The following FRS2 variants were observed in gnomAD, a reference collection of about 807,000 sequenced individuals.
FRS2 encodes the protein fibroblast growth factor receptor substrate 2, also known as FGFR signalling adaptor.
In FRS2, 8 loss-of-function variants were observed where a neutral mutation model predicts 43.9. That is an observed-to-expected ratio of 0.18 (90% CI 0.11 to 0.33). The LOEUF (loss-of-function observed/expected upper bound fraction) is 0.33, where lower values mean the gene tolerates loss of function less well. FRS2 is among the 10% of genes least tolerant of loss of function. The pLI is 1.00. For missense variants in FRS2, 534 were observed against 627.6 expected (o/e 0.85, Z 1.59); for synonymous variants, 219 against 220.3 (o/e 0.99, Z 0.05).
At chr12:69,511,654 T>A (rs1189683274) in intron 1 of FRS2, among the ~76,000 whole-genome samples, 4 of 152,178 alleles carry the variant, frequency 2.6e-5, no homozygotes, top group Non-Finnish European at 4.4e-5. Context: ...AGTTCTATGA[T>A]CCATTACAAA....
Position 69,543,085 on chromosome 12 carries a change from A to G in FRS2, c.-122+11029A>G, listed in dbSNP as rs144899644. 3.6e-3 allele frequency among the ~76,000 whole-genome samples: 554 copies of G among 152,326 alleles called. 1 individual carries two copies. The highest frequency in any genetic ancestry group is 0.013 in the African/African-American group (529 of 41,552). On this transcript the variant is annotated intron_variant, in intron 3 of 8. Transcript: ENST00000549921. Reference sequence around the variant, plus strand: ...ATGAGTATACTTGCTCACATTGATAACAACATGGTAGCATTGCTTCTAAAA... The same window carrying G: ...ATGAGTATACTTGCTCACATTGATAGCAACATGGTAGCATTGCTTCTAAAA...
At chr12:69,542,001 A>G (rs1411847463) in intron 3 of FRS2, among the ~76,000 whole-genome samples, 1 of 152,158 alleles carries the variant, frequency 6.6e-6, no homozygotes, top group Non-Finnish European at 1.5e-5. Context: ...CTCCATTTTC[A>G]GAATAATTTT....
At chr12:69,520,110 C>T (rs757653575) in intron 1 of FRS2, among the ~76,000 whole-genome samples, 2 of 152,064 alleles carry the variant, frequency 1.3e-5, no homozygotes, top group East Asian at 1.9e-4. Context: ...CTGACTGGTG[C>T]GAGATGGTAT....
At chr12:69,478,728 G>C (rs1420433648) in intron 1 of FRS2, among the ~76,000 whole-genome samples, 2 of 15,654 alleles carry the variant, frequency 1.3e-4, no homozygotes, top group Admixed American at 9.4e-4. Context: ...ATCATTATGT[G>C]TGTGTGTGTG....
intron 1 of FRS2, among the ~76,000 whole-genome samples, chr12:69,484,381 G>A (rs1174300255): frequency 1.3e-5 from 2 of 152,144 alleles, no homozygotes; most frequent in Admixed American, 6.5e-5. Context: ...ACTGCACCCG[G>A]CCTGGAAAAG....
At chr12:69,514,834 A>G (rs1874828000) in intron 1 of FRS2, among the ~76,000 whole-genome samples, 1 of 150,030 alleles carries the variant, frequency 6.7e-6, no homozygotes, top group African/African-American at 2.4e-5. Flanking sequence ...TGTGTCTCAA[A>G]AAAAAAAAAA....
intron 8 of FRS2, 149 bp downstream of exon 8, chr12:69,572,430 A>G (rs1880845948): frequency 1.6e-6 from 1 of 640,966 alleles, no homozygotes; most frequent in South Asian, 2.0e-5. Context: ...GAGATAGCAT[A>G]TATTTGCTGG....
chr12:69,484,862 G>A (rs1056653731), intron 1 of FRS2, among the ~76,000 whole-genome samples: 3 of 152,068 alleles, frequency 2.0e-5, no homozygotes, highest in Admixed American at 6.6e-5. Flanking sequence ...AAAACAACAA[G>A]AAAATTGTGC....
intron 3 of FRS2, among the ~76,000 whole-genome samples, chr12:69,551,036 T>A (rs545319693): frequency 6.6e-6 from 1 of 152,218 alleles, no homozygotes; most frequent in South Asian, 2.1e-4. Context: ...TCTCTTCACA[T>A]GTGTCTTTAA....
intron 3 of FRS2, among the ~76,000 whole-genome samples, chr12:69,535,910 CA>C (rs543034893): frequency 7.3e-5 from 11 of 151,492 alleles, no homozygotes; most frequent in Non-Finnish European, 1.3e-4. Flanking sequence ...AATAATAAGC[CA>C]AAATAATTAA....
At chr12:69,532,523 G>A (rs1876905496) in intron 3 of FRS2, among the ~76,000 whole-genome samples, 1 of 152,130 alleles carries the variant, frequency 6.6e-6, no homozygotes, top group African/African-American at 2.4e-5. Context: ...AGAAGGTGGA[G>A]GGCAAGCAAA....
intron 1 of FRS2, among the ~76,000 whole-genome samples, chr12:69,514,831 CA>C (rs5798938): frequency 0.78 from 113,891 of 146,052 alleles, 44,651 homozygotes; most frequent in East Asian, 0.91. Context: ...GACTGTGTCT[CA>C]AAAAAAAAAA....
chr12:69,507,908 C>T (rs1257138877), intron 1 of FRS2, among the ~76,000 whole-genome samples: 2 of 151,620 alleles, frequency 1.3e-5, no homozygotes, highest in Admixed American at 1.3e-4. Flanking sequence ...CCTGTAATCC[C>T]AGCTACTCAG....
intron 4 of FRS2, among the ~76,000 whole-genome samples, chr12:69,562,726 G>T (rs1275009607): frequency 6.6e-6 from 1 of 151,748 alleles, no homozygotes; most frequent in East Asian, 1.9e-4. Context: ...GCCTTGCTTT[G>T]TCGTCCAGGC....
rs191313334 is a variant in FRS2, at chr12:69,548,577, A to G, written c.-121-13603A>G. On this transcript the variant is annotated intron_variant, in intron 3 of 8. Transcript: ENST00000549921. ...TCATAAGGTATCTTTTCCACTGATT[A>G]TAGTGTAATATATAATTACTGTATT... Among the ~76,000 whole-genome samples, 53 of 152,346 alleles carry G rather than the reference A, an allele frequency of 3.5e-4. No individual in the cohort carries two copies. In the East Asian group the frequency reaches 9.6e-3, roughly 28 times the overall value.
chr12:69,498,467 T>C (rs1316844924), intron 1 of FRS2, among the ~76,000 whole-genome samples: 1 of 150,778 alleles, frequency 6.6e-6, no homozygotes, highest in African/African-American at 2.5e-5. Context: ...CAGGATGGCT[T>C]TGAATACAGC....
intron 3 of FRS2, among the ~76,000 whole-genome samples, chr12:69,556,017 G>GC (rs1451505948): frequency 1.3e-5 from 2 of 149,878 alleles, no homozygotes; most frequent in Non-Finnish European, 3.0e-5. Context: ...GCGGGGGGGG[G>GC]GGCGGTGTAC....
At chr12:69,545,755 C>CAAAAAAAAAAAA (rs60460901) in intron 3 of FRS2, among the ~76,000 whole-genome samples, 234 of 80,116 alleles carry the variant, frequency 2.9e-3, no homozygotes, top group Non-Finnish European at 4.2e-3. Flanking sequence ...GACCCTGTCT[C>CAAAAAAAAAAAA]AAAAAAAAAA....
At chr12:69,494,905 C>G (rs1228391688) in intron 1 of FRS2, among the ~76,000 whole-genome samples, 4 of 152,076 alleles carry the variant, frequency 2.6e-5, no homozygotes, top group Non-Finnish European at 4.4e-5. Context: ...TCCCGAGTAG[C>G]TGGGATTATA....
Sources: gnomAD v4.1 joint callset for allele counts (sites outside exome capture counted in the v4.1 genomes callset) on GRCh38, gnomAD v4.1.1 for gene constraint, MANE v1.5 for transcripts, NCBI Gene and HGNC (gene_info 2026-07-23, HGNC 2026-07-21) for gene names.